RUBCN: variants seen among roughly 807,000 people sequenced by gnomAD.
The protein encoded by RUBCN is run domain Beclin-1-interacting and cysteine-rich domain-containing protein.
In RUBCN, 74 loss-of-function variants were observed where a neutral mutation model predicts 113.2. The ratio of observed to expected loss-of-function variants is 0.65; its 90% confidence interval spans 0.54 to 0.79. RUBCN has a LOEUF of 0.79. Ranked by LOEUF, RUBCN falls within the 30% of genes least tolerant of loss-of-function variation. RUBCN has a pLI of 0.00. For synonymous variants in RUBCN, 480 were observed against 490.0 expected (o/e 0.98, Z 0.27); for missense variants, 1,109 against 1,251.7 (o/e 0.89, Z 1.72).
chr3:197,703,242 C>CA (rs1466149369), intron 5 of RUBCN, among the ~76,000 whole-genome samples: 2 of 150,890 alleles, frequency 1.3e-5, no homozygotes, highest in African/African-American at 4.9e-5. Flanking sequence ...GCTAAAAATA[C>CA]AAAAAAATAG....
Position 197,669,308 on chromosome 3 carries a change from C to T in RUBCN, c.*5710G>A, listed in dbSNP as rs992948939. Among the ~76,000 whole-genome samples the T allele has an allele frequency of 9.2e-5, 14 of 152,154 alleles. No individual in the cohort carries two copies. The highest frequency in any genetic ancestry group is 2.4e-4 in the African/African-American group (10 of 41,418). ...CCTTTCTCCATTTCGGGATCCCACC[C>T]GGGATCCCACATGGCATTCAGTCAT... On this transcript the variant is annotated 3_prime_UTR_variant, in exon 20 of 20. Coordinates refer to ENST00000296343, the MANE Select transcript of RUBCN (RefSeq NM_014687.4).
chr3:197,681,236 T>C lies in RUBCN; in HGVS notation c.2323A>G (p.Asn775Asp). ...KWDFSKYYVS[N>D]FSKDLLIKIW... Reference sequence around the variant, plus strand: ...TTAATGAGCAGGTCCTTGGAGAAGTTGCTGACGTAGTACTTGCTGAAGTCC... The same window carrying C: ...TTAATGAGCAGGTCCTTGGAGAAGTCGCTGACGTAGTACTTGCTGAAGTCC... Residue 775 changes from asparagine (N) to aspartate (D), a missense_variant, in exon 16 of 20, where the codon AAC becomes GAC. Physicochemically the swap from Asn to Asp is conservative, Grantham distance 23. This residue lies in a region of RUBCN where 306 missense variants were observed against 348.9 expected (regional missense o/e 0.88). Coordinates refer to ENST00000296343, the MANE Select transcript of RUBCN (RefSeq NM_014687.4). The surrounding 1 kb of genome is among the most constrained non-coding windows in gnomAD (Gnocchi z 5.5). 1 of 1,614,108 alleles carries C rather than the reference T, an allele frequency of 6.2e-7. No homozygotes were observed. Among genetic ancestry groups the C allele is most frequent in the Non-Finnish European group, 8.5e-7 (1 of 1,180,000 alleles).
In RUBCN at chr3:197,669,032, A is replaced by C. The variant is rs146705767; in HGVS notation, c.*5986T>G. On this transcript the variant is annotated 3_prime_UTR_variant, in exon 20 of 20. Transcript: ENST00000296343. ...TCTAACCATATTTTTGCATAACTGT[A>C]ATTATGATGTACATATGCTTTTTAT... 2.6e-5 allele frequency among the ~76,000 whole-genome samples: 4 copies of C among 152,222 alleles called. No homozygotes were observed. Among genetic ancestry groups the C allele is most frequent in the Non-Finnish European group, 5.9e-5 (4 of 68,042 alleles).
intron 8 of RUBCN, among the ~76,000 whole-genome samples, chr3:197,696,303 C>T (rs1048377207): frequency 2.0e-5 from 3 of 150,814 alleles, no homozygotes; most frequent in Admixed American, 6.6e-5. Flanking sequence ...ACCTGGGAGG[C>T]GGAGGTTGCA....
At chr3:197,706,496 A>G (rs1441942783) in intron 2 of RUBCN, among the ~76,000 whole-genome samples, 1 of 152,074 alleles carries the variant, frequency 6.6e-6, no homozygotes. Flanking sequence ...AGCCTGGGCA[A>G]CATAGCGAGA....
chr3:197,704,979 G>T, intron 3 of RUBCN, 113 bp downstream of exon 3: 1 of 847,020 alleles, frequency 1.2e-6, no homozygotes, highest in Non-Finnish European at 2.0e-6. Context: ...TTCCTCAGCT[G>T]ATAGGCAACT....
At chr3:197,714,445 G>A (rs772263113) in intron 2 of RUBCN, among the ~76,000 whole-genome samples, 4 of 152,068 alleles carry the variant, frequency 2.6e-5, no homozygotes, top group East Asian at 1.9e-4. Context: ...CTCAGCCTCC[G>A]GAGTAGCTGA....
chr3:197,693,697 C>G lies in RUBCN; in HGVS notation c.1786+18G>C. On this transcript the variant is annotated intron_variant, in intron 11 of 19. Coordinates refer to ENST00000296343, the MANE Select transcript of RUBCN (RefSeq NM_014687.4). Reference sequence around the variant, plus strand: ...AAACAGAATAAAAGTTCCCTTGTAACAAAGTGTCACTTCTTACCTTGGATT... The same window carrying G: ...AAACAGAATAAAAGTTCCCTTGTAAGAAAGTGTCACTTCTTACCTTGGATT... 1 of 1,530,478 alleles carries G rather than the reference C, an allele frequency of 6.5e-7. No homozygotes were observed. The highest frequency in any genetic ancestry group is 2.2e-5 in the East Asian group (1 of 44,448). 94.8% of individuals were successfully genotyped at this position (1,530,478 alleles called of 1,614,324 possible). A position where few individuals can be genotyped will look rare whatever the true frequency, so the allele number is the denominator to read the frequency against.
chr3:197,699,252 G>A (rs1580246670), intron 7 of RUBCN: 1 of 1,515,992 alleles, frequency 6.6e-7, no homozygotes, highest in Non-Finnish European at 9.0e-7. Context: ...ACAGACAGGT[G>A]CAGAGGAGAG....
At position 197,683,225 on chromosome 3, in the gene RUBCN, G is replaced by A. The variant is rs1721454392; in HGVS notation, c.1980+82C>T. On this transcript the variant is annotated intron_variant, in intron 13 of 19. Transcript: ENST00000296343. The surrounding 1 kb of genome is among the most constrained non-coding windows in gnomAD (Gnocchi z 4.6). ...GGGGGGAACACCCAGGCTCATTCCA[G>A]ACTAGGGACATGTGACGAAGGAAAA... is the stretch of plus-strand genomic sequence containing the variant. 5 of 1,554,394 alleles carry A rather than the reference G, an allele frequency of 3.2e-6. No homozygotes were observed. The highest frequency in any genetic ancestry group is 4.4e-6 in the Non-Finnish European group (5 of 1,125,784).
chr3:197,723,825 T>A (rs1726433713), intron 1 of RUBCN, among the ~76,000 whole-genome samples: 2 of 152,152 alleles, frequency 1.3e-5, no homozygotes, highest in South Asian at 2.1e-4. Context: ...CCAGGCGCAG[T>A]GGCTCACGCC....
At chr3:197,677,887 G>A (rs1193420388) in intron 16 of RUBCN, among the ~76,000 whole-genome samples, 1 of 146,132 alleles carries the variant, frequency 6.8e-6, no homozygotes, top group African/African-American at 2.6e-5. Flanking sequence ...GCTCTAACTC[G>A]ACACCTGGCT....
rs560868870 is a variant in RUBCN, at chr3:197,708,339, T to C, written c.220-3164A>G. ...TTAGTAGAGATGGGGTTTCACCATG[T>C]TGGCCAAGCTGGTCTCGAACTCCTG... On this transcript the variant is annotated intron_variant, in intron 2 of 19. Transcript: ENST00000296343. Among the ~76,000 whole-genome samples, 50 of 152,102 alleles carry C rather than the reference T, an allele frequency of 3.3e-4. No homozygotes were observed. In the South Asian group the frequency reaches 3.3e-3, roughly 10 times the overall value.
chr3:197,729,966 A>G (rs1727230178), intron 1 of RUBCN, among the ~76,000 whole-genome samples: 3 of 152,188 alleles, frequency 2.0e-5, no homozygotes, highest in Admixed American at 2.0e-4. Flanking sequence ...AAATCCAGCC[A>G]ATCACTGAAC....
chr3:197,687,504 T>TGA (rs1223485953), intron 11 of RUBCN, among the ~76,000 whole-genome samples: 3 of 152,156 alleles, frequency 2.0e-5, no homozygotes, highest in Non-Finnish European at 4.4e-5. Context: ...TGGCATGATG[T>TGA]GAGGTTTTGT....
chr3:197,711,060 G>A (rs572225418), intron 2 of RUBCN, among the ~76,000 whole-genome samples: 12 of 152,274 alleles, frequency 7.9e-5, no homozygotes, highest in South Asian at 2.1e-4. Flanking sequence ...TCCTGACCTC[G>A]TGATCCACCT....
chr3:197,730,783 G>A (rs1450746724), intron 1 of RUBCN, among the ~76,000 whole-genome samples: 1 of 151,032 alleles, frequency 6.6e-6, no homozygotes, highest in African/African-American at 2.4e-5. Context: ...TAGAAGCAAG[G>A]AGCCAGCAAG....
chr3:197,693,431 AAGGAGG>A (rs1204796112), intron 11 of RUBCN, among the ~76,000 whole-genome samples: 6 of 152,198 alleles, frequency 3.9e-5, no homozygotes, highest in African/African-American at 1.4e-4. Flanking sequence ...TACAAGCTGA[AAGGAGG>A]AGTCAGAGTG....
chr3:197,692,556 G>A (rs1722539317), intron 11 of RUBCN, among the ~76,000 whole-genome samples: 1 of 151,958 alleles, frequency 6.6e-6, no homozygotes, highest in African/African-American at 2.4e-5. Flanking sequence ...GTAGCTGCAG[G>A]ATCCGTGCTA....
Sources: gnomAD v4.1 joint callset for allele counts (sites outside exome capture counted in the v4.1 genomes callset) on GRCh38, gnomAD v4.1.1 for gene constraint, gnomAD v4.1.1 regional missense constraint, Gnocchi (gnomAD v3.1) non-coding constraint, MANE v1.5 for transcripts, NCBI Gene and HGNC (gene_info 2026-07-23, HGNC 2026-07-21) for gene names.